The following KHDRBS2 variants were observed in gnomAD, a reference collection of about 807,000 sequenced individuals.
KHDRBS2 encodes the protein KH RNA binding domain containing, signal transduction associated 2.
In KHDRBS2, 26 loss-of-function variants were observed where a neutral mutation model predicts 44.3. That is an observed-to-expected ratio of 0.59 (90% CI 0.43 to 0.81). KHDRBS2 has a LOEUF of 0.81. Ranked by LOEUF, KHDRBS2 falls within the 40% of genes least tolerant of loss-of-function variation. KHDRBS2 has a pLI of 0.00. For missense variants in KHDRBS2, 476 were observed against 433.1 expected (o/e 1.10, Z -0.88); for synonymous variants, 194 against 151.1 (o/e 1.28, Z -2.08).
chr6:61,744,448 A>G (rs9344902), intron 6 of KHDRBS2, among the ~76,000 whole-genome samples: 11,348 of 152,148 alleles, frequency 0.075, 611 homozygotes, highest in East Asian at 0.22. Flanking sequence ...TGCAGTCCTG[A>G]TAAATCATCC....
the KHDRBS2 span, among the ~76,000 whole-genome samples, chr6:61,619,038 G>A: frequency 6.6e-6 from 1 of 152,102 alleles, no homozygotes; most frequent in African/African-American, 2.4e-5. Context: ...TGTCTTTGTG[G>A]AACTAGGCCA....
chr6:61,597,106 T>C, the KHDRBS2 span, among the ~76,000 whole-genome samples: 1 of 152,242 alleles, frequency 6.6e-6, no homozygotes, highest in African/African-American at 2.4e-5. Context: ...GAAAAGTATC[T>C]TAAACAAAAG....
the KHDRBS2 span, among the ~76,000 whole-genome samples, chr6:61,628,899 T>C: frequency 2.0e-5 from 3 of 152,204 alleles, no homozygotes; most frequent in Non-Finnish European, 4.4e-5. Flanking sequence ...CAAGGACATA[T>C]GTAATAGATG....
intron 2 of KHDRBS2, among the ~76,000 whole-genome samples, chr6:62,067,456 G>A (rs1793997429): frequency 6.6e-6 from 1 of 151,064 alleles, no homozygotes; most frequent in Non-Finnish European, 1.5e-5. Flanking sequence ...TGTCATGGCT[G>A]CTAACTCTTC....
intron 1 of KHDRBS2, among the ~76,000 whole-genome samples, chr6:62,180,573 G>A (rs1822057436): frequency 6.6e-6 from 1 of 151,828 alleles, no homozygotes; most frequent in African/African-American, 2.4e-5. Flanking sequence ...GACACTTTAT[G>A]TTTATAGATT....
At chr6:62,147,467 C>A (rs1233780089) in intron 2 of KHDRBS2, among the ~76,000 whole-genome samples, 3 of 151,732 alleles carry the variant, frequency 2.0e-5, no homozygotes, top group African/African-American at 7.3e-5. Context: ...GCTTAGTTTC[C>A]CTTTGTTCAG....
At chr6:61,955,183 TAC>T (rs1184845474) in intron 4 of KHDRBS2, among the ~76,000 whole-genome samples, 53 of 145,308 alleles carry the variant, frequency 3.6e-4, no homozygotes, top group African/African-American at 1.3e-3. Context: ...TATATACACA[TAC>T]GTTTGTATGT....
At chr6:61,579,720 G>C in the KHDRBS2 span, among the ~76,000 whole-genome samples, 3 of 152,072 alleles carry the variant, frequency 2.0e-5, no homozygotes, top group African/African-American at 7.2e-5. Context: ...AGGGACATTG[G>C]GTGATCTTCT....
At chr6:61,952,140 G>A (rs78803329) in intron 4 of KHDRBS2, among the ~76,000 whole-genome samples, 2,227 of 152,068 alleles carry the variant, frequency 0.015, 25 homozygotes, top group Non-Finnish European at 0.021. Context: ...CTAAGCATAA[G>A]CATACATAGC....
chr6:62,101,428 G>A (rs1457187812), intron 2 of KHDRBS2, among the ~76,000 whole-genome samples: 1 of 152,082 alleles, frequency 6.6e-6, no homozygotes, highest in Non-Finnish European at 1.5e-5. Flanking sequence ...CGTAGAGGTA[G>A]GAAAAACTCC....
chr6:61,848,532 CATATATAT>C lies in KHDRBS2; in HGVS notation c.810+46095_810+46102del, dbSNP rs1562294715. The stretch of plus-strand genomic sequence containing the variant: ...ATATGTATATATGTATATATATATA[CATATATAT>C]GTATATATATACATATATATATGTA... On this transcript the variant is annotated intron_variant, in intron 6 of 8. Coordinates refer to ENST00000281156, the MANE Select transcript of KHDRBS2 (RefSeq NM_152688.4). Among the ~76,000 whole-genome samples the C allele has an allele frequency of 7.8e-3, 219 of 28,162 alleles. 18 individuals are homozygous for C. The highest frequency in any genetic ancestry group is 0.04 in the African/African-American group (187 of 4,646). The allele number at this position is 28,162 out of a possible 152,430, so 18.5% of individuals were successfully genotyped here.
intron 2 of KHDRBS2, among the ~76,000 whole-genome samples, chr6:62,118,179 T>G (rs1806739108): frequency 6.6e-6 from 1 of 152,224 alleles, no homozygotes; most frequent in Non-Finnish European, 1.5e-5. Flanking sequence ...ATGTTAATGG[T>G]GTCTTTGTCA....
intron 4 of KHDRBS2, among the ~76,000 whole-genome samples, chr6:61,911,535 C>A (rs1218440641): frequency 1.3e-5 from 2 of 152,066 alleles, no homozygotes; most frequent in Non-Finnish European, 2.9e-5. Context: ...AACTTTGATC[C>A]TTTTTGTTGG....
At chr6:61,769,744 G>C (rs1582716162) in intron 6 of KHDRBS2, among the ~76,000 whole-genome samples, 1 of 152,244 alleles carries the variant, frequency 6.6e-6, no homozygotes, top group Non-Finnish European at 1.5e-5. Flanking sequence ...GCCTCTGTAG[G>C]CTCCACCTCT....
chr6:61,655,416 G>T, the KHDRBS2 span, among the ~76,000 whole-genome samples: 1 of 151,892 alleles, frequency 6.6e-6, no homozygotes, highest in South Asian at 2.1e-4. Context: ...ACCACATCCA[G>T]CTAATTTTTT....
intron 4 of KHDRBS2, among the ~76,000 whole-genome samples, chr6:61,910,196 C>T (rs529273602): frequency 9.6e-4 from 146 of 152,292 alleles, no homozygotes; most frequent in Admixed American, 2.7e-3. Flanking sequence ...AAACAACTAG[C>T]GCTGTGGTGG....
At chr6:61,904,486 C>G (rs532089876) in intron 4 of KHDRBS2, among the ~76,000 whole-genome samples, 24 of 152,236 alleles carry the variant, frequency 1.6e-4, no homozygotes, top group Non-Finnish European at 3.5e-4. Flanking sequence ...GTTGTGGTGG[C>G]CAAGAGAATA....
intron 1 of KHDRBS2, among the ~76,000 whole-genome samples, chr6:62,233,717 C>A (rs1833245733): frequency 6.6e-6 from 1 of 152,094 alleles, no homozygotes; most frequent in Non-Finnish European, 1.5e-5. Context: ...TTAGCACCCA[C>A]TTCTAAGTGA....
At chr6:61,713,575 C>A (rs1157165600) in intron 7 of KHDRBS2, among the ~76,000 whole-genome samples, 4 of 130,414 alleles carry the variant, frequency 3.1e-5, no homozygotes, top group Non-Finnish European at 6.3e-5. Flanking sequence ...GATCTGATAC[C>A]TTTAGCTTTT....
Sources: gnomAD v4.1 joint callset for allele counts (sites outside exome capture counted in the v4.1 genomes callset) on GRCh38, gnomAD v4.1.1 for gene constraint, MANE v1.5 for transcripts, NCBI Gene and HGNC (gene_info 2026-07-23, HGNC 2026-07-21) for gene names.